Variants in ACSL3 observed in about 807,000 individuals in gnomAD.
ACSL3 encodes the protein fatty acid CoA ligase Acsl3.
In ACSL3, 34 loss-of-function variants were observed where a neutral mutation model predicts 84.7. The observed-to-expected ratio is 0.40, with a 90% CI of 0.31 to 0.53. The LOEUF is 0.53. Ranked by LOEUF, ACSL3 falls within the 20% of genes least tolerant of loss-of-function variation. The probability of loss-of-function intolerance (pLI) is 0.48; values close to 1 mark genes in which losing one functional copy is unlikely to be tolerated. For missense variants in ACSL3, 680 were observed against 873.1 expected, an observed-to-expected ratio of 0.78 and a Z score of 2.79; for synonymous variants, 315 against 299.4, an observed-to-expected ratio of 1.05 and a Z score of -0.54.
At chr2:222,933,114 A>G (rs995085036) in intron 14 of ACSL3, 52 bp from the exon 15 acceptor site, 4 of 1,076,738 alleles carry the variant, frequency 3.7e-6, no homozygotes, top group African/African-American at 3.2e-5. Flanking sequence ...ATTAAATGTT[A>G]CTAATATTAT....
chr2:222,940,739 A>T (rs781720473), intron 16 of ACSL3, among the ~76,000 whole-genome samples: 10 of 152,206 alleles, frequency 6.6e-5, no homozygotes, highest in Non-Finnish European at 1.5e-4. Context: ...GCCTAGATGT[A>T]TATATAGTAG....
At chr2:222,933,344 C>T (rs1252875358) in intron 15 of ACSL3, 64 bp downstream of exon 15, 2 of 1,101,822 alleles carry the variant, frequency 1.8e-6, no homozygotes, top group East Asian at 5.1e-5. Flanking sequence ...CATTTCCTAC[C>T]TGTATGGACC....
chr2:222,939,520 A>G (rs1209726999), intron 16 of ACSL3, among the ~76,000 whole-genome samples: 2 of 152,072 alleles, frequency 1.3e-5, no homozygotes, highest in Non-Finnish European at 2.9e-5. Flanking sequence ...ACAGCTCCCA[A>G]CCTGGTGCCC....
At position 222,869,747 on chromosome 2, in the gene ACSL3, G is replaced by A. The variant is rs147480720; in HGVS notation, c.-207+8489G>A. On this transcript the variant is annotated intron_variant, in intron 1 of 16. Transcript: ENST00000357430. ...CACATAGGATGTCCAGTGGGCAGTG[G>A]AGTTTGGAAGATTGGCAAATAAAAC... Among the ~76,000 whole-genome samples, 683 of 152,238 alleles carry A rather than the reference G, an allele frequency of 4.5e-3. 4 individuals are homozygous for A. Among genetic ancestry groups the A allele is most frequent in the Non-Finnish European group, 7.1e-3 (485 of 68,022 alleles).
chr2:222,877,412 C>T (rs2106090155), intron 1 of ACSL3, among the ~76,000 whole-genome samples: 1 of 152,286 alleles, frequency 6.6e-6, no homozygotes, highest in East Asian at 1.9e-4. Context: ...GTTGAATACT[C>T]AGGGCCTGTT....
At position 222,942,714 on chromosome 2, in the gene ACSL3, T is replaced by G. The variant is rs1321729922; in HGVS notation, c.*1060T>G. On this transcript the variant is annotated 3_prime_UTR_variant, in exon 17 of 17. Transcript: ENST00000357430. ...GTGTGTGAGTCAGTGGTAGCTTATT[T>G]AAAAAGCACCTTATCCTTTCTCCCA... 4.7e-6 allele frequency: 1 copy of G among 211,862 alleles called. No individual in the cohort carries two copies. The allele number at this position is 211,862 out of a possible 1,614,324, so 13.1% of individuals were successfully genotyped here. A position where few individuals can be genotyped will look rare whatever the true frequency, so the allele number is the denominator to read the frequency against.
At chr2:222,928,050 A>G (rs1027757637) in intron 12 of ACSL3, among the ~76,000 whole-genome samples, 1 of 152,230 alleles carries the variant, frequency 6.6e-6, no homozygotes, top group African/African-American at 2.4e-5. Flanking sequence ...TTCAAATTGA[A>G]TGATTAATCA....
chr2:222,870,846 TA>T (rs1464322140), intron 1 of ACSL3, among the ~76,000 whole-genome samples: 1 of 152,220 alleles, frequency 6.6e-6, no homozygotes, highest in Non-Finnish European at 1.5e-5. Flanking sequence ...AATTGTTTTT[TA>T]TTCCTTCTTT....
chr2:222,911,318 G>A (rs1696434798), intron 4 of ACSL3, among the ~76,000 whole-genome samples: 1 of 152,144 alleles, frequency 6.6e-6, no homozygotes, highest in African/African-American at 2.4e-5. Context: ...CAAAGTGCTG[G>A]GATTACAGGC....
At chr2:222,929,246 C>T (rs1696960566) in intron 13 of ACSL3, among the ~76,000 whole-genome samples, 1 of 152,014 alleles carries the variant, frequency 6.6e-6, no homozygotes, top group Non-Finnish European at 1.5e-5. Flanking sequence ...CTTTATTTTG[C>T]AGAAGTAAAA....
chr2:222,878,602 A>C (rs1049034717), intron 1 of ACSL3, among the ~76,000 whole-genome samples: 1 of 152,134 alleles, frequency 6.6e-6, no homozygotes, highest in East Asian at 1.9e-4. Context: ...TCTGTGTTCT[A>C]TGAATAGAGT....
At chr2:222,873,213 A>G (rs1307114691) in intron 1 of ACSL3, among the ~76,000 whole-genome samples, 2 of 152,252 alleles carry the variant, frequency 1.3e-5, no homozygotes, top group African/African-American at 4.8e-5. Context: ...CTTCAGCAGT[A>G]TTAAAACATC....
rs1006355962 is a variant in ACSL3, at chr2:222,936,041, T to G, written c.2005+1354T>G. On this transcript the variant is annotated intron_variant, in intron 16 of 16. Transcript: ENST00000357430. The stretch of plus-strand genomic sequence containing the variant: ...ATTTATTCTTTTGTGACTGTCTTAT[T>G]TAGTGTATCTTCAGGGTTTATTCAT... Among the ~76,000 whole-genome samples, 3 of 152,338 alleles carry G rather than the reference T, an allele frequency of 2.0e-5. No homozygotes were observed. In the South Asian group the frequency reaches 6.2e-4, roughly 32 times the overall value.
intron 11 of ACSL3, among the ~76,000 whole-genome samples, chr2:222,925,736 A>G (rs1696861406): frequency 6.6e-6 from 1 of 152,184 alleles, no homozygotes; most frequent in African/African-American, 2.4e-5. Context: ...AGGGAGTTTT[A>G]ATTATTTTGA....
chr2:222,895,462 A>C (rs1574533814), intron 2 of ACSL3, among the ~76,000 whole-genome samples: 1 of 35,838 alleles, frequency 2.8e-5, no homozygotes, highest in African/African-American at 2.2e-4. Context: ...TGTTACCATT[A>C]CTTTGTTCTT....
intron 3 of ACSL3, among the ~76,000 whole-genome samples, chr2:222,906,618 A>ATT (rs35845392): frequency 1.4e-5 from 2 of 142,364 alleles, no homozygotes; most frequent in Non-Finnish European, 1.5e-5. Flanking sequence ...TACCAGCCTC[A>ATT]TTTTTTTTTT....
At chr2:222,918,244 C>A in intron 6 of ACSL3, 89 bp downstream of exon 6, 1 of 699,758 alleles carries the variant, frequency 1.4e-6, no homozygotes, top group Non-Finnish European at 2.3e-6. Context: ...TCTTTTATGA[C>A]TTTTAAGTCC....
At chr2:222,870,147 GA>G (rs1464453129) in intron 1 of ACSL3, among the ~76,000 whole-genome samples, 16 of 151,496 alleles carry the variant, frequency 1.1e-4, no homozygotes, top group Non-Finnish European at 2.4e-4. Flanking sequence ...GCTTTTGGGG[GA>G]TGGAGAGGGA....
chr2:222,864,997 A>G (rs747139514), intron 1 of ACSL3, among the ~76,000 whole-genome samples: 16 of 152,232 alleles, frequency 1.1e-4, no homozygotes, highest in Non-Finnish European at 2.1e-4. Context: ...TGTGTGATTG[A>G]TTTAAAATGT....
Sources: allele counts gnomAD v4.1 joint callset (sites outside exome capture counted in the v4.1 genomes callset), GRCh38; gene constraint gnomAD v4.1.1; transcripts MANE v1.5; gene names NCBI Gene and HGNC (gene_info 2026-07-23, HGNC 2026-07-21).